Variants in DACH1 observed in about 807,000 individuals in gnomAD.
The protein encoded by DACH1 is dachshund homolog 1.
DACH1 carries 12 observed loss-of-function variants against 54.2 expected under a neutral mutation model. That is an observed-to-expected ratio of 0.22 (90% CI 0.14 to 0.36). The LOEUF is 0.36. Among genes scored for constraint, DACH1 ranks in the 10% least tolerant of loss-of-function variants. DACH1 has a pLI of 1.00. For missense variants in DACH1, 805 were observed against 929.8 expected, an observed-to-expected ratio of 0.87 and a Z score of 1.75; for synonymous variants, 386 against 366.2, an observed-to-expected ratio of 1.05 and a Z score of -0.62.
chr13:71,852,054 T>C (rs1409020103), intron 1 of DACH1, among the ~76,000 whole-genome samples: 1 of 152,206 alleles, frequency 6.6e-6, no homozygotes, highest in African/African-American at 2.4e-5. Flanking sequence ...CTCTGGCCAA[T>C]AGGAATGGTT....
chr13:71,811,098 C>T (rs1487643461), intron 1 of DACH1, among the ~76,000 whole-genome samples: 1 of 151,982 alleles, frequency 6.6e-6, no homozygotes, highest in African/African-American at 2.4e-5. Flanking sequence ...AGTTCTATCC[C>T]TAACTAAGAT....
intron 6 of DACH1, among the ~76,000 whole-genome samples, chr13:71,543,032 T>C (rs1382504738): frequency 6.6e-6 from 1 of 152,166 alleles, no homozygotes; most frequent in Non-Finnish European, 1.5e-5. Flanking sequence ...CTGAAATTAA[T>C]GGCATAAAAG....
chr13:71,474,237 A>G (rs536498790), intron 10 of DACH1, among the ~76,000 whole-genome samples: 90 of 152,308 alleles, frequency 5.9e-4, no homozygotes, highest in African/African-American at 2.1e-3. Context: ...TTACAAAAGT[A>G]TATTTCCTTT....
chr13:71,564,384 A>G (rs1396696423), intron 4 of DACH1, among the ~76,000 whole-genome samples: 1 of 152,012 alleles, frequency 6.6e-6, no homozygotes, highest in Non-Finnish European at 1.5e-5. Context: ...AACTTTACCA[A>G]TCAATAAAAC....
chr13:71,850,066 C>A (rs1873558350), intron 1 of DACH1, among the ~76,000 whole-genome samples: 1 of 152,126 alleles, frequency 6.6e-6, no homozygotes, highest in Admixed American at 6.6e-5. Context: ...ACAAAATACA[C>A]ATTTGAATTT....
At chr13:71,735,345 T>C (rs201505567) in intron 1 of DACH1, among the ~76,000 whole-genome samples, 1,183 of 26,006 alleles carry the variant, frequency 0.045, 225 homozygotes, top group African/African-American at 0.08. Flanking sequence ...GGGATATACG[T>C]GTATATGGGA....
At chr13:71,865,161 T>C (rs1874640308) in intron 1 of DACH1, among the ~76,000 whole-genome samples, 2 of 151,906 alleles carry the variant, frequency 1.3e-5, no homozygotes, top group South Asian at 4.2e-4. Flanking sequence ...ACCCCTTTAT[T>C]TCCTTTGCAC....
intron 1 of DACH1, among the ~76,000 whole-genome samples, chr13:71,832,413 T>A (rs1566529995): frequency 6.6e-6 from 1 of 151,858 alleles, no homozygotes; most frequent in Non-Finnish European, 1.5e-5. Context: ...GGGGCCTGCA[T>A]AAACATAAAA....
At chr13:71,777,911 G>T (rs1336721294) in intron 1 of DACH1, among the ~76,000 whole-genome samples, 1 of 151,876 alleles carries the variant, frequency 6.6e-6, no homozygotes, top group African/African-American at 2.4e-5. Flanking sequence ...GAACCCAAAA[G>T]TTTGAGACCA....
intron 6 of DACH1, 38 bp from the exon 7 acceptor site, chr13:71,489,186 G>T (rs560883442): frequency 6.3e-7 from 1 of 1,590,914 alleles, no homozygotes. Flanking sequence ...AACAAGTTAC[G>T]CTTGTCTGTT....
At chr13:71,479,448 A>G in intron 7 of DACH1, 132 bp from the exon 8 acceptor site, 1 of 745,442 alleles carries the variant, frequency 1.3e-6, no homozygotes, top group South Asian at 2.4e-5. Context: ...CTCTGCACTC[A>G]CTAGAACAAA....
intron 1 of DACH1, among the ~76,000 whole-genome samples, chr13:71,688,501 G>C (rs1383350072): frequency 6.6e-6 from 1 of 152,132 alleles, no homozygotes; most frequent in Non-Finnish European, 1.5e-5. Context: ...TGACTAATGT[G>C]AACATATTTT....
At chr13:71,720,756 C>T (rs1883195273) in intron 1 of DACH1, among the ~76,000 whole-genome samples, 1 of 152,098 alleles carries the variant, frequency 6.6e-6, no homozygotes, top group Admixed American at 6.6e-5. Context: ...AAGGTAAAAA[C>T]ATGATACATG....
intron 2 of DACH1, among the ~76,000 whole-genome samples, chr13:71,637,275 G>T (rs891390093): frequency 6.6e-6 from 1 of 152,090 alleles, no homozygotes; most frequent in Non-Finnish European, 1.5e-5. Context: ...AAGAATGAAG[G>T]TGAAATAACG....
At chr13:71,849,373 A>G (rs912771899) in intron 1 of DACH1, among the ~76,000 whole-genome samples, 1 of 152,160 alleles carries the variant, frequency 6.6e-6, no homozygotes, top group African/African-American at 2.4e-5. Flanking sequence ...ACCCCTGCAC[A>G]GTTTGCTATG....
intron 1 of DACH1, among the ~76,000 whole-genome samples, chr13:71,738,476 A>G (rs1011896095): frequency 1.3e-5 from 2 of 152,154 alleles, no homozygotes; most frequent in African/African-American, 4.8e-5. Flanking sequence ...TCAAGCCTAT[A>G]ATCCCAGCAC....
intron 6 of DACH1, among the ~76,000 whole-genome samples, chr13:71,533,041 A>G (rs986647468): frequency 2.6e-5 from 4 of 151,872 alleles, no homozygotes; most frequent in South Asian, 4.1e-4. Context: ...ACCTGCTTGT[A>G]CCGATAAACC....
chr13:71,768,309 A>G (rs1380806980), intron 1 of DACH1, among the ~76,000 whole-genome samples: 1 of 151,998 alleles, frequency 6.6e-6, no homozygotes, highest in Non-Finnish European at 1.5e-5. Context: ...GGCCACAAAA[A>G]GATGTCGATT....
At chr13:71,729,770 C>T (rs542067360) in intron 1 of DACH1, among the ~76,000 whole-genome samples, 1 of 152,016 alleles carries the variant, frequency 6.6e-6, no homozygotes, top group Non-Finnish European at 1.5e-5. Context: ...TAGAATTACT[C>T]AACGTACACT....
Sources: allele counts gnomAD v4.1 joint callset (sites outside exome capture counted in the v4.1 genomes callset), GRCh38; gene constraint gnomAD v4.1.1; transcripts MANE v1.5; gene names NCBI Gene and HGNC (gene_info 2026-07-23, HGNC 2026-07-21).